PHACTR1: variants seen among roughly 807,000 people sequenced by gnomAD.
PHACTR1 encodes phosphatase and actin regulator 1.
In PHACTR1, 16 loss-of-function variants were observed where a neutral mutation model predicts 69.2. The ratio of observed to expected loss-of-function variants is 0.23; its 90% CI spans 0.16 to 0.35. PHACTR1 has a LOEUF of 0.35. PHACTR1 is among the 10% of genes least tolerant of loss of function. The pLI, the probability that PHACTR1 is intolerant of heterozygous loss-of-function variation, is 1.00. For missense variants in PHACTR1, 510 were observed against 734.7 expected (o/e 0.69, Z 3.54); for synonymous variants, 312 against 284.5 (o/e 1.10, Z -0.97).
chr6:12,923,802 G>A lies in PHACTR1; in HGVS notation c.251-129563G>A, dbSNP rs181998974. ...TAACATTAGACACGAATGAGAAACC[G>A]ATCTTCAAAGACAGGATAGGCCTGA... On this transcript the variant is annotated intron_variant, in intron 4 of 14. Coordinates refer to ENST00000332995, the MANE Select transcript of PHACTR1 (RefSeq NM_030948.6). Among the ~76,000 whole-genome samples, 801 of 152,286 alleles carry A rather than the reference G, an allele frequency of 5.3e-3. 9 individuals carry two copies. The highest frequency in any genetic ancestry group is 0.018 in the African/African-American group (764 of 41,556).
chr6:13,176,022 G>A (rs1761271349), intron 6 of PHACTR1, among the ~76,000 whole-genome samples: 1 of 151,998 alleles, frequency 6.6e-6, no homozygotes, highest in South Asian at 2.1e-4. Context: ...TTATACCCCA[G>A]CAATGAAGCA....
intron 4 of PHACTR1, among the ~76,000 whole-genome samples, chr6:12,754,575 A>AATGT (rs1176747423): frequency 6.6e-6 from 1 of 152,188 alleles, no homozygotes; most frequent in African/African-American, 2.4e-5. Context: ...AGTTAGAGCT[A>AATGT]GCTAACCTGA....
At chr6:13,241,298 A>G (rs1023073612) in intron 10 of PHACTR1, among the ~76,000 whole-genome samples, 2 of 152,224 alleles carry the variant, frequency 1.3e-5, no homozygotes, top group Non-Finnish European at 2.9e-5. Context: ...CAGAGGTCCA[A>G]TGCAGTGGTT....
Position 13,283,359 on chromosome 6 carries a change from C to T in PHACTR1, c.1510-63C>T. 3 of 1,534,474 alleles carry T rather than the reference C, an allele frequency of 2.0e-6. No individual in the cohort carries two copies. The highest frequency in any genetic ancestry group is 2.7e-6 in the Non-Finnish European group (3 of 1,130,706). ...TTTTCCACACCTGCAAGTTCACAGA[C>T]AGGACCAAGTGCCATGGTCAACCCT... On this transcript the variant is annotated intron_variant, in intron 12 of 14. Coordinates refer to ENST00000332995, the MANE Select transcript of PHACTR1 (RefSeq NM_030948.6). This position sits in a 1 kb window ranked among gnomAD's most constrained non-coding sequence, Gnocchi z 4.7.
At chr6:12,950,585 C>T (rs7775566) in intron 4 of PHACTR1, among the ~76,000 whole-genome samples, 8,673 of 152,246 alleles carry the variant, frequency 0.057, 506 homozygotes, top group African/African-American at 0.15. Context: ...TGGTACTCAC[C>T]ATTTGCTGGA....
intron 5 of PHACTR1, among the ~76,000 whole-genome samples, chr6:13,091,073 G>A (rs573870372): frequency 1.1e-4 from 16 of 152,058 alleles, no homozygotes; most frequent in East Asian, 7.8e-4. Context: ...GTGCAATGGC[G>A]CATCTCGGCT....
chr6:12,795,870 C>G, intron 4 of PHACTR1, among the ~76,000 whole-genome samples: 1 of 119,960 alleles, frequency 8.3e-6, no homozygotes, highest in South Asian at 2.3e-4. Context: ...CTTAGCCAGA[C>G]CTTACATTTT....
At chr6:13,115,684 C>T (rs73369860) in intron 5 of PHACTR1, among the ~76,000 whole-genome samples, 2 of 152,250 alleles carry the variant, frequency 1.3e-5, no homozygotes, top group Non-Finnish European at 2.9e-5. Flanking sequence ...TAAACCCAGG[C>T]GTTTCCAGGC....
At chr6:12,778,454 A>G (rs1410414342) in intron 4 of PHACTR1, among the ~76,000 whole-genome samples, 3 of 152,212 alleles carry the variant, frequency 2.0e-5, no homozygotes, top group Non-Finnish European at 4.4e-5. Flanking sequence ...GGAAGAACAC[A>G]GGAAAGTCTT....
rs1187844087 is a variant in PHACTR1 at position 13,179,384 on chromosome 6, C to T, written c.497-3135C>T. Among the ~76,000 whole-genome samples the T allele has an allele frequency of 6.8e-6, 1 of 146,526 alleles. No homozygotes were observed. The highest frequency in any genetic ancestry group is 7.0e-5 in the Admixed American group (1 of 14,226). On this transcript the variant is annotated intron_variant, in intron 6 of 14. Transcript: ENST00000332995. This position sits in a 1 kb window ranked among gnomAD's most constrained non-coding sequence, Gnocchi z 4.2. Reference sequence around the variant, plus strand: ...TCCTTAGCTTAATGATGGGTATATACAGCCCATTACATTAATGTTTCGTGT... The same window carrying T: ...TCCTTAGCTTAATGATGGGTATATATAGCCCATTACATTAATGTTTCGTGT...
intron 4 of PHACTR1, among the ~76,000 whole-genome samples, chr6:12,886,980 T>G (rs532886361): frequency 6.6e-6 from 1 of 152,104 alleles, no homozygotes; most frequent in African/African-American, 2.4e-5. Context: ...AGCAGCAGCG[T>G]GCAGCTCCAA....
At chr6:13,186,352 G>GT (rs1204037076) in intron 7 of PHACTR1, among the ~76,000 whole-genome samples, 1 of 152,168 alleles carries the variant, frequency 6.6e-6, no homozygotes, top group Admixed American at 6.5e-5. Flanking sequence ...TTTCGTGTTA[G>GT]TAACAATTCC....
At chr6:12,916,471 T>A (rs1787013033) in intron 4 of PHACTR1, among the ~76,000 whole-genome samples, 1 of 152,078 alleles carries the variant, frequency 6.6e-6, no homozygotes, top group Non-Finnish European at 1.5e-5. Flanking sequence ...TGTCTTAAGA[T>A]ACAATATTTT....
At position 13,226,356 on chromosome 6, in the gene PHACTR1, A is replaced by G. The variant is rs141548931; in HGVS notation, c.987-1460A>G. ...TAATTGAAAGTTTCAAAGGAGAGGC[A>G]TGCATTCATATGTCATAAGTCAGAT... On this transcript the variant is annotated intron_variant, in intron 8 of 14. Coordinates refer to ENST00000332995, the MANE Select transcript of PHACTR1 (RefSeq NM_030948.6). Among the ~76,000 whole-genome samples the G allele has an allele frequency of 2.4e-4, 36 of 152,360 alleles. No homozygotes were observed. In the East Asian group the frequency reaches 5.8e-3, roughly 24 times the overall value.
intron 4 of PHACTR1, among the ~76,000 whole-genome samples, chr6:12,826,991 C>T (rs1544112): frequency 0.017 from 2,663 of 152,300 alleles, 62 homozygotes; most frequent in South Asian, 0.054. Flanking sequence ...GGGATACCCA[C>T]TTTCCCTCAC....
At chr6:12,728,367 T>G (rs889284643) in intron 3 of PHACTR1, among the ~76,000 whole-genome samples, 2 of 152,170 alleles carry the variant, frequency 1.3e-5, no homozygotes, top group Non-Finnish European at 2.9e-5. Context: ...TTTAATTTTT[T>G]TGTATTTACT....
At chr6:12,906,741 T>G (rs1785774403) in intron 4 of PHACTR1, among the ~76,000 whole-genome samples, 1 of 152,208 alleles carries the variant, frequency 6.6e-6, no homozygotes, top group African/African-American at 2.4e-5. Context: ...ATACACTTCA[T>G]GACCTTTGAA....
At chr6:12,790,552 A>G (rs1332953130) in intron 4 of PHACTR1, among the ~76,000 whole-genome samples, 1 of 152,196 alleles carries the variant, frequency 6.6e-6, no homozygotes, top group Non-Finnish European at 1.5e-5. Flanking sequence ...ATAAAATGTA[A>G]GCTCCTTTAG....
chr6:12,723,955 C>T (rs751989218), intron 3 of PHACTR1, among the ~76,000 whole-genome samples: 1 of 152,198 alleles, frequency 6.6e-6, no homozygotes, highest in Non-Finnish European at 1.5e-5. Flanking sequence ...TGCAGCTATT[C>T]TTCCCCGAAT....
Sources: gnomAD v4.1 joint callset for allele counts (sites outside exome capture counted in the v4.1 genomes callset) on GRCh38, gnomAD v4.1.1 for gene constraint, Gnocchi (gnomAD v3.1) non-coding constraint, MANE v1.5 for transcripts, NCBI Gene and HGNC (gene_info 2026-07-23, HGNC 2026-07-21) for gene names.